The following STAU1 variants were observed in gnomAD, a reference collection of about 807,000 sequenced individuals.
STAU1 encodes the protein double-stranded RNA-binding protein Staufen homolog 1.
STAU1 carries 13 observed loss-of-function variants against 62.9 expected under a neutral mutation model. That is an observed-to-expected ratio of 0.21 (90% CI 0.13 to 0.33). The LOEUF is 0.33. Ranked by LOEUF, STAU1 falls within the 10% of genes least tolerant of loss-of-function variation. The pLI is 1.00. For synonymous variants in STAU1, 269 were observed against 265.1 expected, an observed-to-expected ratio of 1.01 and a Z score of -0.14; for missense variants, 571 against 712.1, an observed-to-expected ratio of 0.80 and a Z score of 2.25.
chr20:49,211,317 C>G, the STAU1 span, among the ~76,000 whole-genome samples: 15 of 150,016 alleles, frequency 1.0e-4, no homozygotes, highest in Non-Finnish European at 1.9e-4. Context: ...CTTGCTTTCA[C>G]TTCTTTTGGG....
rs191042691 is a variant in STAU1 at position 49,131,680 on chromosome 20, T to C, written c.609+4153A>G. 5.3e-3 allele frequency among the ~76,000 whole-genome samples: 813 copies of C among 152,026 alleles called. 10 individuals are homozygous for C. The highest frequency in any genetic ancestry group is 0.019 in the African/African-American group (768 of 41,462). On this transcript the variant is annotated intron_variant, in intron 6 of 13. Transcript: ENST00000371856. ...CAACATGGTGAAATCCCATCTCTAC[T>C]AAAAATACAAAAATTAGCCGAGTGT...
At chr20:49,198,052 A>G in the STAU1 span, among the ~76,000 whole-genome samples, 3 of 152,198 alleles carry the variant, frequency 2.0e-5, no homozygotes, top group South Asian at 4.1e-4. Flanking sequence ...TAGCAATAAG[A>G]AAAACAAATG....
At chr20:49,150,255 T>C (rs2093219530) in intron 5 of STAU1, among the ~76,000 whole-genome samples, 1 of 152,226 alleles carries the variant, frequency 6.6e-6, no homozygotes, top group African/African-American at 2.4e-5. Flanking sequence ...CCTAATTCTT[T>C]GACAATCCTT....
chr20:49,137,070 T>C (rs532619036), intron 5 of STAU1, among the ~76,000 whole-genome samples: 7 of 152,282 alleles, frequency 4.6e-5, no homozygotes, highest in East Asian at 3.9e-4. Flanking sequence ...AAGGTGACAG[T>C]TGAGGATCAG....
At chr20:49,209,281 C>T in the STAU1 span, among the ~76,000 whole-genome samples, 2 of 151,160 alleles carry the variant, frequency 1.3e-5, no homozygotes, top group Non-Finnish European at 2.9e-5. Context: ...ATGGGACTTA[C>T]CCTAGATTTC....
intron 3 of STAU1, among the ~76,000 whole-genome samples, chr20:49,155,270 G>C (rs1020019395): frequency 6.6e-6 from 1 of 152,160 alleles, no homozygotes; most frequent in African/African-American, 2.4e-5. Context: ...TTCCATTCTT[G>C]ACATTTCTAA....
Position 49,123,779 on chromosome 20 carries a change from G to A in STAU1, c.823-544C>T, listed in dbSNP as rs148481842. 2.0e-3 allele frequency among the ~76,000 whole-genome samples: 312 copies of A among 152,282 alleles called. 3 individuals carry two copies. The highest frequency in any genetic ancestry group is 3.4e-3 in the Middle Eastern group (1 of 294). ...ATTAAGCAAAAAAGGGAAACAAAAG[G>A]TATACATAGTATGCTTTTATGTAAG... On this transcript the variant is annotated intron_variant, in intron 7 of 13. Coordinates refer to ENST00000371856, the MANE Select transcript of STAU1 (RefSeq NM_017453.4).
chr20:49,179,093 A>AT, intron 1 of STAU1: 1 of 152,078 alleles, frequency 6.6e-6, no homozygotes, highest in East Asian at 1.9e-4. Flanking sequence ...AAAAAAAAAA[A>AT]AAAATTAGCC....
At chr20:49,123,579 T>C (rs2092520157) in intron 7 of STAU1, among the ~76,000 whole-genome samples, 2 of 152,162 alleles carry the variant, frequency 1.3e-5, no homozygotes, top group African/African-American at 2.4e-5. Context: ...GTCTGAGCTA[T>C]GATGGGTTCC....
At chr20:49,189,171 C>A (rs545742870), upstream of STAU1, among the ~76,000 whole-genome samples, 1 of 132,708 alleles carries the variant, frequency 7.5e-6, no homozygotes, top group Non-Finnish European at 1.5e-5. Flanking sequence ...CCGCTGCACT[C>A]CAGCCTTGGC....
At chr20:49,216,467 G>A in the STAU1 span, among the ~76,000 whole-genome samples, 1 of 152,068 alleles carries the variant, frequency 6.6e-6, no homozygotes, top group South Asian at 2.1e-4. Flanking sequence ...GGCAGAGGTT[G>A]CAGTGAGCCG....
the STAU1 span, among the ~76,000 whole-genome samples, chr20:49,195,216 G>T: frequency 6.6e-6 from 1 of 152,250 alleles, no homozygotes; most frequent in East Asian, 1.9e-4. Flanking sequence ...ATAGCAGAAT[G>T]ATTAACAACC....
chr20:49,179,414 C>T (rs2093698090), intron 1 of STAU1, among the ~76,000 whole-genome samples: 1 of 152,100 alleles, frequency 6.6e-6, no homozygotes, highest in Non-Finnish European at 1.5e-5. Context: ...TTACAGGTTG[C>T]AAAGGTTTAC....
rs767710969 is a variant in STAU1, at chr20:49,117,111, C to T, written c.1632+15G>A. The T allele has an allele frequency of 6.2e-7, 1 of 1,613,764 alleles. No homozygotes were observed. The highest frequency in any genetic ancestry group is 8.5e-7 in the Non-Finnish European group (1 of 1,179,792). The stretch of plus-strand genomic sequence containing the variant: ...ACACACAACACCCCAATCCCTCACC[C>T]AAGGTGTGACGTACCATATCATGGC... On this transcript the variant is annotated intron_variant, in intron 12 of 13. Transcript: ENST00000371856. The surrounding 1 kb of genome is among the most constrained non-coding windows in gnomAD (Gnocchi z 4.6).
chr20:49,196,279 A>G, the STAU1 span, among the ~76,000 whole-genome samples: 1 of 151,098 alleles, frequency 6.6e-6, no homozygotes. Flanking sequence ...TACTAAAAAT[A>G]CAAAAAATTA....
Position 49,117,861 on chromosome 20 carries a change from G to C in STAU1, c.1425C>G (p.Asn475Lys), listed in dbSNP as rs1305522862. 3.1e-6 allele frequency: 5 copies of C among 1,614,160 alleles called. No individual in the cohort carries two copies. The Admixed American group carries it at 5.0e-5, about 16-fold the overall frequency. ...SPTAETILKN[N>K]ISSGHVPHGP... is the part of the protein sequence containing the mutation. ...CATGGGGTACGTGGCCTGAAGAGAT[G>C]TTATTCTTTAAAATGGTCTCGGCTG... The change falls in exon 11 of 14, where the codon AAC becomes AAG. Residue 475 changes from asparagine (N) to lysine (K), a missense_variant. Coordinates refer to ENST00000371856, the MANE Select transcript of STAU1 (RefSeq NM_017453.4). This position sits in a 1 kb window ranked among gnomAD's most constrained non-coding sequence, Gnocchi z 4.6.
intron 1 of STAU1, among the ~76,000 whole-genome samples, chr20:49,180,592 G>C (rs535271843): frequency 3.4e-4 from 52 of 152,288 alleles, no homozygotes; most frequent in African/African-American, 1.2e-3. Context: ...CCAAAGTGAC[G>C]GAATTACAGG....
chr20:49,190,242 G>T (rs1447743020), upstream of STAU1, among the ~76,000 whole-genome samples: 1 of 152,138 alleles, frequency 6.6e-6, no homozygotes, highest in Non-Finnish European at 1.5e-5. Flanking sequence ...GTGGGTCTAT[G>T]ACTTCCAGTC....
At chr20:49,138,503 CTTTT>C (rs1365842570) in intron 5 of STAU1, among the ~76,000 whole-genome samples, 1 of 151,796 alleles carries the variant, frequency 6.6e-6, no homozygotes, top group Non-Finnish European at 1.5e-5. Context: ...CCTACACATA[CTTTT>C]TTTTGTTTTT....
Sources: gnomAD v4.1 joint callset for allele counts (sites outside exome capture counted in the v4.1 genomes callset) on GRCh38, gnomAD v4.1.1 for gene constraint, Gnocchi (gnomAD v3.1) non-coding constraint, MANE v1.5 for transcripts, NCBI Gene and HGNC (gene_info 2026-07-23, HGNC 2026-07-21) for gene names.